The following NAGA variants were observed in gnomAD, a reference collection of about 807,000 sequenced individuals.
NAGA encodes the protein alpha-N-acetylgalactosaminidase, also known as Acetylgalactosaminidase, alpha-N- (alpha-galactosidase B).
A neutral mutation model predicts 45.6 loss-of-function variants in NAGA; 42 were observed. That is an observed-to-expected ratio of 0.92 (90% CI 0.72 to 1.19). The LOEUF (loss-of-function observed/expected upper bound fraction) is 1.19, where lower values mean the gene tolerates loss of function less well. Among genes scored for constraint, NAGA ranks in the 50% most tolerant of loss-of-function variants. NAGA has a pLI of 0.00. For synonymous variants in NAGA, 176 were observed against 203.1 expected (o/e 0.87, Z 1.13); for missense variants, 493 against 544.8 (o/e 0.90, Z 0.95).
rs138095593 is a variant in NAGA at position 42,060,466 on chromosome 22, A to AC, written c.1102-54dup. On this transcript the variant is annotated intron_variant, in intron 8 of 8. Coordinates refer to ENST00000396398, the MANE Select transcript of NAGA (RefSeq NM_000262.3). ...CCACCATGAGAGTGGCGGCACAGAG[A>AC]CCCCCCCCGCTAGAGGATGTAGAAG... is the stretch of plus-strand genomic sequence containing the variant. 13,023 of 1,598,934 alleles carry AC rather than the reference A, an allele frequency of 8.1e-3. 576 individuals carry two copies. In the African/African-American group the frequency reaches 0.13, roughly 16 times the overall value.
At chr22:42,067,556 C>T (rs975293936) in intron 3 of NAGA, among the ~76,000 whole-genome samples, 2 of 152,230 alleles carry the variant, frequency 1.3e-5, no homozygotes, top group African/African-American at 2.4e-5. Flanking sequence ...CAAGAAATGC[C>T]TCCTCCAGGG....
chr22:42,058,359 T>A lies in NAGA; in HGVS notation c.*1920A>T, dbSNP rs1478579697. On this transcript the variant is annotated 3_prime_UTR_variant, in exon 9 of 9. Transcript: ENST00000396398. ...TGAAATAATGGTACACGTTGATGGTTACTGGAGCTGGATGCTGGGTACATG... is the reference window on the plus strand; with the variant it reads ...TGAAATAATGGTACACGTTGATGGTAACTGGAGCTGGATGCTGGGTACATG... 6.6e-6 allele frequency: 1 copy of A among 152,160 alleles called. No individual in the cohort carries two copies. Among genetic ancestry groups the A allele is most frequent in the Non-Finnish European group, 1.5e-5 (1 of 68,016 alleles). 9.4% of individuals were successfully genotyped at this position (152,160 alleles called of 1,614,324 possible).
intron 1 of NAGA, among the ~76,000 whole-genome samples, chr22:42,069,471 C>T (rs187866541): frequency 2.6e-5 from 4 of 151,706 alleles, no homozygotes; most frequent in East Asian, 1.9e-4. Context: ...AAAAAAATAC[C>T]GGGGTGAGGT....
In NAGA at chr22:42,069,894, T is replaced by C. The variant is rs571037369; in HGVS notation, c.16+388A>G. Among the ~76,000 whole-genome samples the C allele has an allele frequency of 9.2e-5, 14 of 152,226 alleles. No individual in the cohort carries two copies. In the South Asian group the frequency reaches 2.9e-3, roughly 32 times the overall value. ...GCTCTTTGCTCTCTACCACAGACCCTCAAGAGGCCTCAGAGAGGCTTAAGA... is the reference window on the plus strand; with the variant it reads ...GCTCTTTGCTCTCTACCACAGACCCCCAAGAGGCCTCAGAGAGGCTTAAGA... On this transcript the variant is annotated intron_variant, in intron 1 of 8. Transcript: ENST00000396398.
At chr22:42,068,334 G>C in intron 2 of NAGA, 105 bp downstream of exon 2, 1 of 1,566,478 alleles carries the variant, frequency 6.4e-7, no homozygotes, top group Non-Finnish European at 8.8e-7. Flanking sequence ...CTCTGGGATG[G>C]AGAACTCTGA....
intron 8 of NAGA, 98 bp downstream of exon 8, chr22:42,060,826 G>C (rs1023701131): frequency 1.3e-6 from 2 of 1,552,408 alleles, no homozygotes; most frequent in East Asian, 2.2e-5. Flanking sequence ...CTAAGCCCAC[G>C]GCTCAGGGGA....
intron 6 of NAGA, among the ~76,000 whole-genome samples, chr22:42,064,201 G>A (rs997001820): frequency 1.3e-5 from 2 of 151,836 alleles, no homozygotes; most frequent in African/African-American, 2.4e-5. Flanking sequence ...TTAGCCAGGC[G>A]TGGTGGCGCA....
At chr22:42,067,617 CAACAG>C (rs902945312) in intron 3 of NAGA, 143 bp downstream of exon 3, 8 of 723,524 alleles carry the variant, frequency 1.1e-5, no homozygotes, top group Admixed American at 2.7e-5. Flanking sequence ...GGCTCTCACT[CAACAG>C]AATAGGCCAA....
At chr22:42,060,451 A>C (rs775513834) in intron 8 of NAGA, 38 bp from the exon 9 acceptor site, 27 of 1,610,316 alleles carry the variant, frequency 1.7e-5, no homozygotes, top group Non-Finnish European at 1.7e-5. Context: ...CCACCATGAG[A>C]GTGGCGGCAC....
At chr22:42,063,158 T>G in intron 6 of NAGA, 134 bp from the exon 7 acceptor site, 1 of 875,502 alleles carries the variant, frequency 1.1e-6, no homozygotes, top group Non-Finnish European at 1.8e-6. Context: ...GGAGGCCTGG[T>G]TCAGCAAACA....
In NAGA at chr22:42,060,401, A is replaced by AG; in HGVS notation, c.1113dup (p.Tyr372LeufsTer4). 1 of 1,613,282 alleles carries AG rather than the reference A, an allele frequency of 6.2e-7. No individual in the cohort carries two copies. Among genetic ancestry groups the AG allele is most frequent in the Non-Finnish European group, 8.5e-7 (1 of 1,180,002 alleles). On this transcript the variant is annotated frameshift_variant, in exon 9 of 9. Transcript: ENST00000396398. LOFTEE classifies it high-confidence loss of function. ...AGGCCACTGATGATGTCACCTGAGT[A>AG]GACGTCCTGGGCCTGCAGTGGGGAG...
chr22:42,063,954 C>T (rs927307841), intron 6 of NAGA, among the ~76,000 whole-genome samples: 1 of 152,062 alleles, frequency 6.6e-6, no homozygotes, highest in African/African-American at 2.4e-5. Flanking sequence ...CTTGTTCAAG[C>T]ACGAGAATAA....
Position 42,070,756 on chromosome 22 carries a change from A to T in NAGA, c.-459T>A. The T allele has an allele frequency of 3.5e-6, 1 of 282,116 alleles. No homozygotes were observed. The highest frequency in any genetic ancestry group is 4.6e-5 in the Admixed American group (1 of 21,530). 17.5% of individuals were successfully genotyped at this position (282,116 alleles called of 1,614,324 possible). ...CGCAGAGCCCCCTCCCACCGCACTT[A>T]TCCTACCGAAGCGTTCAGACCTGCC... On this transcript the variant is annotated 5_prime_UTR_variant, in exon 1 of 9. Transcript: ENST00000396398.
Position 42,060,912 on chromosome 22 carries a change from C to T in NAGA, c.1101+12G>A, listed in dbSNP as rs1321835036. On this transcript the variant is annotated intron_variant, in intron 8 of 8. Transcript: ENST00000396398. ...AGCCCAGGCGGGTGGCTGCAGGCAG[C>T]CGGGTGCTCACCTCATATATCACAG... The T allele has an allele frequency of 5.6e-6, 9 of 1,614,086 alleles. No individual in the cohort carries two copies. The highest frequency in any genetic ancestry group is 5.1e-6 in the Non-Finnish European group (6 of 1,180,010).
chr22:42,070,219 G>T, intron 1 of NAGA, 63 bp downstream of exon 1: 1 of 1,586,954 alleles, frequency 6.3e-7, no homozygotes, highest in South Asian at 1.1e-5. Context: ...GGGAAGAAGG[G>T]CCAAAGCACT....
chr22:42,068,394 A>G lies in NAGA; in HGVS notation c.152+45T>C, dbSNP rs1383598816. On this transcript the variant is annotated intron_variant, in intron 2 of 8. Transcript: ENST00000396398. ...CTCCACTTCCTGCCCCCGAATCTGCAGGGCCCTGGGCAAGGCTCATCAGGT... is the reference window on the plus strand; with the variant it reads ...CTCCACTTCCTGCCCCCGAATCTGCGGGGCCCTGGGCAAGGCTCATCAGGT... 2.5e-6 allele frequency: 4 copies of G among 1,614,008 alleles called. No individual in the cohort carries two copies. The African/African-American group carries it at 5.3e-5, about 22-fold the overall frequency.
In NAGA at chr22:42,062,903, A is replaced by G. The variant is rs751220469; in HGVS notation, c.881T>C (p.Met294Thr). The G allele has an allele frequency of 1.9e-6, 3 of 1,614,014 alleles. No individual in the cohort carries two copies. The highest frequency in any genetic ancestry group is 3.3e-5 in the Admixed American group (2 of 60,000). ...TDLRTISAQN[M>T]DILQNPLMIK... ...CATGAGTGGATTCTGCAGAATGTCC[A>G]TGTTCTGGGCGGAGATGGTACGCAG... Residue 294 changes from methionine to threonine, a missense_variant, in exon 7 of 9, where the codon ATG (methionine) becomes ACG (threonine). Transcript: ENST00000396398.
intron 6 of NAGA, among the ~76,000 whole-genome samples, chr22:42,065,406 A>T (rs757981844): frequency 2.0e-5 from 3 of 152,202 alleles, no homozygotes; most frequent in Admixed American, 6.5e-5. Context: ...CACTAGGAAT[A>T]GCAAGGTCGT....
In NAGA at chr22:42,070,570, C is replaced by T. The variant is rs1291900667; in HGVS notation, c.-273G>A. The T allele has an allele frequency of 8.6e-6, 5 of 579,486 alleles. No homozygotes were observed. The highest frequency in any genetic ancestry group is 9.1e-4 in the Middle Eastern group (2 of 2,190). The allele number at this position is 579,486 out of a possible 1,614,324, so 35.9% of individuals were successfully genotyped here. A position where few individuals can be genotyped will look rare whatever the true frequency, so the allele number is the denominator to read the frequency against. On this transcript the variant is annotated 5_prime_UTR_variant, in exon 1 of 9. Transcript: ENST00000396398. ...GTCAGACCTCACACCCTCTGCAGTGCTGGGAGTCCCGAGGGCCTACGGGCC... is the reference window on the plus strand; with the variant it reads ...GTCAGACCTCACACCCTCTGCAGTGTTGGGAGTCCCGAGGGCCTACGGGCC...
Sources: gnomAD v4.1 joint callset for allele counts (sites outside exome capture counted in the v4.1 genomes callset) on GRCh38, gnomAD v4.1.1 for gene constraint, MANE v1.5 for transcripts, NCBI Gene and HGNC (gene_info 2026-07-23, HGNC 2026-07-21) for gene names.